Variants in PDZD2 observed in about 807,000 individuals in gnomAD.
The protein encoded by PDZD2 is PDZ domain containing 2, also known as PDZ domain-containing protein 2.
PDZD2 carries 90 observed loss-of-function variants against 220.7 expected under a neutral mutation model. That is an observed-to-expected ratio of 0.41 (90% CI 0.34 to 0.49). The LOEUF (loss-of-function observed/expected upper bound fraction) is 0.49. Among genes scored for constraint, PDZD2 ranks in the 20% least tolerant of loss-of-function variants. PDZD2 has a pLI of 0.28. For missense variants in PDZD2, 3,174 were observed against 3,608.5 expected (o/e 0.88, Z 3.08); for synonymous variants, 1,375 against 1,450.5 (o/e 0.95, Z 1.18).
At chr5:31,935,944 C>T (rs961231544) in intron 2 of PDZD2, 2 of 203,114 alleles carry the variant, frequency 9.8e-6, no homozygotes, top group African/African-American at 4.7e-5. Context: ...GATATGATTT[C>T]CCCCCATACT....
At chr5:31,742,774 G>A (rs901285981) in intron 1 of PDZD2, among the ~76,000 whole-genome samples, 9 of 152,178 alleles carry the variant, frequency 5.9e-5, no homozygotes, top group African/African-American at 1.9e-4. Flanking sequence ...CAAGGACTAG[G>A]AAAAATGCTT....
At chr5:31,991,927 G>A (rs1751248343) in intron 3 of PDZD2, among the ~76,000 whole-genome samples, 1 of 152,136 alleles carries the variant, frequency 6.6e-6, no homozygotes, top group Non-Finnish European at 1.5e-5. Context: ...CAGCTACTCG[G>A]GAGGCTGAGG....
In PDZD2 at chr5:31,875,663, A is replaced by G. The variant is rs1025520876; in HGVS notation, c.476+75939A>G. Among the ~76,000 whole-genome samples, 4 of 148,380 alleles carry G rather than the reference A, an allele frequency of 2.7e-5. No individual in the cohort carries two copies. In the East Asian group the frequency reaches 7.8e-4, roughly 29 times the overall value. On this transcript the variant is annotated intron_variant, in intron 2 of 24. Transcript: ENST00000438447. ...CAAATTTAATATATTTTTAAAATATAAGCATATAAATTTAATATATATTTA... is the reference window on the plus strand; with the variant it reads ...CAAATTTAATATATTTTTAAAATATGAGCATATAAATTTAATATATATTTA...
At chr5:31,865,425 A>G (rs1419286227) in intron 2 of PDZD2, among the ~76,000 whole-genome samples, 1 of 151,134 alleles carries the variant, frequency 6.6e-6, no homozygotes, top group African/African-American at 2.4e-5. Context: ...TGATCCTGCC[A>G]CCTGAACCTC....
intron 1 of PDZD2, among the ~76,000 whole-genome samples, chr5:31,643,447 C>T (rs1490876546): frequency 2.0e-5 from 3 of 152,222 alleles, no homozygotes; most frequent in African/African-American, 7.2e-5. Flanking sequence ...AGAGGCTGGA[C>T]AGTCTCCTCT....
chr5:31,863,666 T>G (rs1422557350), intron 2 of PDZD2, among the ~76,000 whole-genome samples: 1 of 152,190 alleles, frequency 6.6e-6, no homozygotes, highest in Non-Finnish European at 1.5e-5. Flanking sequence ...TTAGAGACAA[T>G]TTTGTCTGGT....
intron 4 of PDZD2, among the ~76,000 whole-genome samples, 192 bp downstream of exon 4, chr5:31,995,910 G>A (rs1486651079): frequency 1.3e-5 from 2 of 152,186 alleles, no homozygotes; most frequent in Admixed American, 1.3e-4. Flanking sequence ...ACAGGAAGTG[G>A]CTAACTGCAG....
intron 2 of PDZD2, chr5:31,822,519 T>C (rs1401940495): frequency 1.7e-6 from 1 of 588,412 alleles, no homozygotes; most frequent in African/African-American, 1.9e-5. Flanking sequence ...TTAGGAAGCA[T>C]CCGGCATCTT....
At chr5:32,077,396 A>G (rs1741396933) in intron 18 of PDZD2, 66 bp from the exon 19 acceptor site, 1 of 1,538,832 alleles carries the variant, frequency 6.5e-7, no homozygotes, top group African/African-American at 1.4e-5. Flanking sequence ...TCTATATATG[A>G]TCTCATCTTA....
At chr5:31,909,608 T>C (rs941103250) in intron 2 of PDZD2, among the ~76,000 whole-genome samples, 1 of 152,178 alleles carries the variant, frequency 6.6e-6, no homozygotes, top group Non-Finnish European at 1.5e-5. Context: ...CGAAATACTA[T>C]ATTTAGTATA....
intron 7 of PDZD2, among the ~76,000 whole-genome samples, chr5:32,038,592 T>C (rs186652972): frequency 1.3e-5 from 2 of 151,996 alleles, no homozygotes; most frequent in Admixed American, 1.3e-4. Context: ...TGTCTATTCA[T>C]TACTATTACG....
chr5:31,978,819 C>T (rs1183749524), intron 2 of PDZD2, among the ~76,000 whole-genome samples: 1 of 151,996 alleles, frequency 6.6e-6, no homozygotes, highest in African/African-American at 2.4e-5. Flanking sequence ...TGCAGGAAGA[C>T]CTTAGAAAAT....
At chr5:31,973,547 G>T (rs1176681371) in intron 2 of PDZD2, among the ~76,000 whole-genome samples, 1 of 152,192 alleles carries the variant, frequency 6.6e-6, no homozygotes, top group Non-Finnish European at 1.5e-5. Context: ...GTGCCAAGAG[G>T]TGGAATTTAA....
intron 1 of PDZD2, among the ~76,000 whole-genome samples, chr5:31,689,678 A>G (rs1183071172): frequency 6.6e-6 from 1 of 151,864 alleles, no homozygotes; most frequent in Non-Finnish European, 1.5e-5. Flanking sequence ...TCCTGGGTGG[A>G]GCTAACCCTG....
chr5:31,905,841 G>A (rs776498053), intron 2 of PDZD2, among the ~76,000 whole-genome samples: 3 of 151,920 alleles, frequency 2.0e-5, no homozygotes, highest in Admixed American at 2.0e-4. Flanking sequence ...GACTTTGGAC[G>A]GGTAGGGAGT....
intron 1 of PDZD2, among the ~76,000 whole-genome samples, chr5:31,771,384 C>T (rs1384109863): frequency 6.6e-6 from 1 of 152,126 alleles, no homozygotes; most frequent in African/African-American, 2.4e-5. Flanking sequence ...GCATGGGGCA[C>T]TGGGTTTATT....
chr5:31,740,524 C>CA (rs58965956), intron 1 of PDZD2, among the ~76,000 whole-genome samples: 995 of 59,972 alleles, frequency 0.017, 87 homozygotes, highest in Middle Eastern at 0.025. Flanking sequence ...GACTCCGTCT[C>CA]AAAAAAAAAA....
intron 2 of PDZD2, among the ~76,000 whole-genome samples, chr5:31,982,012 C>G (rs1394467722): frequency 1.3e-5 from 2 of 152,206 alleles, no homozygotes; most frequent in East Asian, 3.8e-4. Flanking sequence ...TACCTGCCAG[C>G]CCTCACATAT....
Position 32,072,210 on chromosome 5 carries a change from T to C in PDZD2, c.2618T>C (p.Val873Ala). Residue 873 changes from valine (V) to alanine (A), a missense_variant, in exon 17 of 25, where the codon GTC becomes GCC. By Grantham distance (64) the Val-to-Ala change is moderately conservative (BLOSUM62 0). Around this residue, in one of 4 missense-constraint regions of PDZD2, gnomAD observed 1,861 missense variants for 2,001.0 expected, o/e 0.93. Transcript: ENST00000438447. ...SELSQYFAHD[V>A]PGPLSDFMVA... is the part of the protein sequence containing the mutation. ...CTCTCCCAGTACTTTGCCCACGATG[T>C]CCCTGGCCCCTTGTCAGACTTCATG... The C allele has an allele frequency of 6.2e-7, 1 of 1,613,598 alleles. No homozygotes were observed. Among genetic ancestry groups the C allele is most frequent in the South Asian group, 1.1e-5 (1 of 91,068 alleles).
Sources: allele counts gnomAD v4.1 joint callset (sites outside exome capture counted in the v4.1 genomes callset), GRCh38; gene constraint gnomAD v4.1.1; regional missense constraint gnomAD v4.1.1; transcripts MANE v1.5; gene names NCBI Gene and HGNC (gene_info 2026-07-23, HGNC 2026-07-21).